The following TBC1D9 variants were observed in gnomAD, a reference collection of about 807,000 sequenced individuals.
TBC1D9 encodes TBC1 domain family member 9.
A neutral mutation model predicts 132.0 loss-of-function variants in TBC1D9; 63 were observed. The observed-to-expected ratio is 0.48, with a 90% CI of 0.39 to 0.59. The LOEUF (loss-of-function observed/expected upper bound fraction) is 0.59. Ranked by LOEUF, TBC1D9 falls within the 20% of genes least tolerant of loss-of-function variation. TBC1D9 has a pLI of 0.00. For missense variants in TBC1D9, 1,261 were observed against 1,592.7 expected, an observed-to-expected ratio of 0.79 and a Z score of 3.54; for synonymous variants, 610 against 609.9, an observed-to-expected ratio of 1.00 and a Z score of 0.00.
At chr4:140,735,825 G>A (rs1160548401) in intron 1 of TBC1D9, among the ~76,000 whole-genome samples, 1 of 152,208 alleles carries the variant, frequency 6.6e-6, no homozygotes, top group Non-Finnish European at 1.5e-5. Context: ...CAGTCCCTGT[G>A]ACAAACTGAA....
chr4:140,642,530 C>T, intron 13 of TBC1D9: 2 of 1,164,858 alleles, frequency 1.7e-6, no homozygotes, highest in Non-Finnish European at 1.3e-6. Flanking sequence ...TTCAACTTGT[C>T]CTGCTTGGTG....
At chr4:140,687,825 A>G (rs1578841116) in intron 2 of TBC1D9, among the ~76,000 whole-genome samples, 1 of 152,068 alleles carries the variant, frequency 6.6e-6, no homozygotes. Context: ...GTGGCTCACG[A>G]CTGTAATCCT....
chr4:140,690,155 C>G (rs1240971769), intron 2 of TBC1D9, among the ~76,000 whole-genome samples: 1 of 152,130 alleles, frequency 6.6e-6, no homozygotes, highest in Non-Finnish European at 1.5e-5. Flanking sequence ...CAATAAACAT[C>G]TAACTTGTAC....
intron 13 of TBC1D9, among the ~76,000 whole-genome samples, chr4:140,655,389 T>C (rs1318266371): frequency 2.0e-5 from 3 of 152,208 alleles, no homozygotes; most frequent in Non-Finnish European, 4.4e-5. Flanking sequence ...AAGCACTAAA[T>C]TTTTTACTTT....
At chr4:140,681,993 C>T (rs1464367261) in intron 3 of TBC1D9, among the ~76,000 whole-genome samples, 1 of 152,124 alleles carries the variant, frequency 6.6e-6, no homozygotes, top group Non-Finnish European at 1.5e-5. Flanking sequence ...AAAAGAATGT[C>T]TCGAACATTT....
intron 2 of TBC1D9, among the ~76,000 whole-genome samples, chr4:140,687,390 A>ATATATG (rs1737805574): frequency 8.5e-6 from 1 of 117,556 alleles, no homozygotes; most frequent in Non-Finnish European, 1.8e-5. Context: ...ATATATATAT[A>ATATATG]TATATAAACA....
At chr4:140,645,513 C>T (rs778735982) in intron 13 of TBC1D9, 3 of 362,508 alleles carry the variant, frequency 8.3e-6, no homozygotes, top group African/African-American at 4.3e-5. Context: ...AGCCACTATC[C>T]TCTCTTGCGA....
intron 20 of TBC1D9, among the ~76,000 whole-genome samples, chr4:140,623,230 T>A (rs185610263): frequency 6.6e-6 from 1 of 152,078 alleles, no homozygotes; most frequent in African/African-American, 2.4e-5. Context: ...CACTATACTC[T>A]GCTAATCTTT....
At chr4:140,719,485 T>C (rs1393336835) in intron 1 of TBC1D9, among the ~76,000 whole-genome samples, 2 of 152,146 alleles carry the variant, frequency 1.3e-5, no homozygotes, top group African/African-American at 4.8e-5. Context: ...AGGAAGTGCT[T>C]GCTAAAGTTA....
Position 140,622,367 on chromosome 4 carries a change from G to A in TBC1D9, c.3629C>T (p.Ala1210Val). 6.2e-7 allele frequency: 1 copy of A among 1,613,328 alleles called. No homozygotes were observed. Among genetic ancestry groups the A allele is most frequent in the Non-Finnish European group, 8.5e-7 (1 of 1,179,330 alleles). The stretch of plus-strand genomic sequence containing the variant: ...GGCCAGGAACTGCTCGAAGGTGATG[G>A]CCCAGTCCCGGTCCAGGCTGGTGCT... ...PRSTSLDRDW[A>V]ITFEQFLASL... is the part of the protein sequence containing the mutation. The change falls in exon 21 of 21, where the codon GCC becomes GTC. Residue 1210 changes from alanine to valine, a missense_variant. By Grantham distance (64) the Ala-to-Val change is moderately conservative (BLOSUM62 0). This residue lies in a region of TBC1D9 where 618 missense variants were observed against 724.4 expected (regional missense o/e 0.85). Transcript: ENST00000442267.
Position 140,669,665 on chromosome 4 carries a change from C to A in TBC1D9, c.1406G>T (p.Arg469Leu). ...ATQTLMTMYR[R>L]RSPEEFNPKL... ...CGGGTTGAACTCCTCGGGAGACCGC[C>A]GCCGATACATGGTCATCAGGGTCTG... Residue 469 changes from arginine (R) to leucine (L), a missense_variant, in exon 8 of 21, where the codon CGG becomes CTG. Physicochemically the swap from Arg to Leu is moderately radical, Grantham distance 102. This residue lies in a region of TBC1D9 where 550 missense variants were observed against 699.0 expected (regional missense o/e 0.79). Transcript: ENST00000442267. The A allele has an allele frequency of 6.2e-7, 1 of 1,612,952 alleles. No homozygotes were observed. The highest frequency in any genetic ancestry group is 8.5e-7 in the Non-Finnish European group (1 of 1,179,106).
intron 13 of TBC1D9, chr4:140,645,168 C>A: frequency 3.6e-6 from 2 of 553,078 alleles, no homozygotes; most frequent in Non-Finnish European, 7.0e-6. Flanking sequence ...ATTACTCTCT[C>A]TGAGCAGCTT....
At chr4:140,711,078 T>A (rs1290127437) in intron 1 of TBC1D9, among the ~76,000 whole-genome samples, 1 of 152,126 alleles carries the variant, frequency 6.6e-6, no homozygotes, top group Non-Finnish European at 1.5e-5. Flanking sequence ...GTGAGGACAA[T>A]GTGATTGAAG....
chr4:140,680,286 A>T (rs897350078), intron 3 of TBC1D9, among the ~76,000 whole-genome samples: 2 of 152,122 alleles, frequency 1.3e-5, no homozygotes, highest in African/African-American at 4.8e-5. Flanking sequence ...TCAGCTCCAC[A>T]CTCACTGTCT....
intron 1 of TBC1D9, among the ~76,000 whole-genome samples, chr4:140,737,490 C>T (rs1295293421): frequency 6.6e-6 from 1 of 151,836 alleles, no homozygotes; most frequent in Non-Finnish European, 1.5e-5. Context: ...CACACACACA[C>T]TCACATTCAC....
Position 140,659,579 on chromosome 4 carries a change from T to A in TBC1D9, c.1921+9A>T. 6.4e-7 allele frequency: 1 copy of A among 1,562,580 alleles called. No homozygotes were observed. The highest frequency in any genetic ancestry group is 8.7e-7 in the Non-Finnish European group (1 of 1,148,642). On this transcript the variant is annotated intron_variant, in intron 11 of 20. Coordinates refer to ENST00000442267, the MANE Select transcript of TBC1D9 (RefSeq NM_015130.3). ...CATAGGTTGAAATGTTAAATGCATC[T>A]CCACTTACCCACAACTCTGGTGTTG...
chr4:140,660,052 C>T (rs11945727), intron 10 of TBC1D9, among the ~76,000 whole-genome samples: 4,378 of 152,280 alleles, frequency 0.029, 193 homozygotes, highest in African/African-American at 0.099. Context: ...TTTTAACCTG[C>T]TAAAATCTCT....
rs1403931262 is a variant in TBC1D9, at chr4:140,679,215, G to A, written c.590-12C>T. ...GATGACCAGTTTCGCTGAGCACAAG[G>A]AACAAGCCTGGGTCAACATCTGATT... On this transcript the variant is annotated splice_polypyrimidine_tract_variant and intron_variant, in intron 4 of 20. Coordinates refer to ENST00000442267, the MANE Select transcript of TBC1D9 (RefSeq NM_015130.3). 3 of 1,607,100 alleles carry A rather than the reference G, an allele frequency of 1.9e-6. No homozygotes were observed. The highest frequency in any genetic ancestry group is 2.6e-6 in the Non-Finnish European group (3 of 1,175,420).
chr4:140,641,739 A>G lies in TBC1D9; in HGVS notation c.2338-2311T>C, dbSNP rs116174196. On this transcript the variant is annotated intron_variant, in intron 13 of 20. Coordinates refer to ENST00000442267, the MANE Select transcript of TBC1D9 (RefSeq NM_015130.3). ...AAAAGAGCTAGCCGGCGATATTATCACAACGATACAGTACAAATCAAAGCA... is the reference window on the plus strand; with the variant it reads ...AAAAGAGCTAGCCGGCGATATTATCGCAACGATACAGTACAAATCAAAGCA... 6.9e-3 allele frequency: 1,162 copies of G among 167,618 alleles called. 10 individuals are homozygous for G. The highest frequency in any genetic ancestry group is 0.026 in the African/African-American group (1,083 of 41,856). The allele number at this position is 167,618 out of a possible 1,614,324, so 10.4% of individuals were successfully genotyped here. A position where few individuals can be genotyped will look rare whatever the true frequency, so the allele number is the denominator to read the frequency against.
Sources: allele counts gnomAD v4.1 joint callset (sites outside exome capture counted in the v4.1 genomes callset), GRCh38; gene constraint gnomAD v4.1.1; regional missense constraint gnomAD v4.1.1; transcripts MANE v1.5; gene names NCBI Gene and HGNC (gene_info 2026-07-23, HGNC 2026-07-21).